The following XKR6 variants were observed in gnomAD, a reference collection of about 807,000 sequenced individuals.
The protein encoded by XKR6 is XK related 6.
Under a neutral mutation model 56.7 loss-of-function variants are expected in XKR6, and 22 were observed. That is an observed-to-expected ratio of 0.39 (90% CI 0.28 to 0.55). XKR6 has a LOEUF of 0.55. Among genes scored for constraint, XKR6 ranks in the 20% least tolerant of loss-of-function variants. XKR6 has a pLI of 0.66. For synonymous variants in XKR6, 524 were observed against 387.8 expected (o/e 1.35, Z -4.13); for missense variants, 852 against 889.0 (o/e 0.96, Z 0.53).
chr8:11,193,654 AT>A (rs200376398), intron 1 of XKR6, among the ~76,000 whole-genome samples: 7 of 150,310 alleles, frequency 4.7e-5, no homozygotes, highest in East Asian at 1.9e-4. Flanking sequence ...CACTAAAAAA[AT>A]TTTTTTTTTA....
chr8:11,033,804 T>C (rs566948216), intron 1 of XKR6, among the ~76,000 whole-genome samples: 1 of 152,154 alleles, frequency 6.6e-6, no homozygotes, highest in Non-Finnish European at 1.5e-5. Flanking sequence ...AGATTATGAC[T>C]CCTAGGGGTC....
At chr8:10,933,580 T>C (rs1359621525) in intron 1 of XKR6, among the ~76,000 whole-genome samples, 1 of 104,970 alleles carries the variant, frequency 9.5e-6, no homozygotes, top group Non-Finnish European at 2.0e-5. Context: ...TTGTATAAGG[T>C]GTAAGGAAGG....
At chr8:10,971,291 G>T (rs1802402497) in intron 1 of XKR6, among the ~76,000 whole-genome samples, 1 of 151,652 alleles carries the variant, frequency 6.6e-6, no homozygotes, top group African/African-American at 2.4e-5. Flanking sequence ...TGTGGTGGCG[G>T]GCACCTGTAG....
intron 1 of XKR6, among the ~76,000 whole-genome samples, chr8:11,035,906 G>A (rs139233112): frequency 1.2e-3 from 179 of 148,512 alleles, no homozygotes; most frequent in African/African-American, 4.3e-3. Context: ...CCAGATGCAT[G>A]TGAGAAATCT....
In XKR6 at chr8:10,998,171, G is replaced by C. The variant is rs998526919; in HGVS notation, c.765-73341C>G. 5.9e-5 allele frequency among the ~76,000 whole-genome samples: 9 copies of C among 151,970 alleles called. 1 individual carries two copies. The highest frequency in any genetic ancestry group is 2.4e-5 in the African/African-American group (1 of 41,376). ...GAGAGCGTCCAGCACTCACTTCTAA[G>C]ATCACCCCTTCTCCCACTGAGACAG... On this transcript the variant is annotated intron_variant, in intron 1 of 2. Transcript: ENST00000416569.
chr8:11,062,837 G>A (rs760717509), intron 1 of XKR6: 16 of 456,116 alleles, frequency 3.5e-5, no homozygotes, highest in South Asian at 2.0e-4. Context: ...GTGGCCGTGC[G>A]CCTGAGTTCT....
chr8:10,955,042 T>A (rs1801841948), intron 1 of XKR6, among the ~76,000 whole-genome samples: 1 of 152,052 alleles, frequency 6.6e-6, no homozygotes, highest in Non-Finnish European at 1.5e-5. Context: ...CTAATTTTTG[T>A]ATTTTTAGTA....
At chr8:10,965,792 T>C (rs943187110) in intron 1 of XKR6, among the ~76,000 whole-genome samples, 1 of 152,238 alleles carries the variant, frequency 6.6e-6, no homozygotes, top group East Asian at 1.9e-4. Flanking sequence ...TGAACAGATG[T>C]TCTTGCTTCC....
chr8:11,161,020 C>T (rs1331565080), intron 1 of XKR6, among the ~76,000 whole-genome samples: 1 of 151,962 alleles, frequency 6.6e-6, no homozygotes, highest in Non-Finnish European at 1.5e-5. Context: ...AATATGGGCC[C>T]TTCTAACCTT....
intron 1 of XKR6, chr8:11,123,659 A>C (rs920462166): frequency 5.9e-6 from 2 of 340,138 alleles, no homozygotes; most frequent in Admixed American, 7.7e-5. Context: ...AAATACTCAA[A>C]TATATCTTTA....
At chr8:11,013,503 G>A (rs1465818890) in intron 1 of XKR6, among the ~76,000 whole-genome samples, 2 of 152,160 alleles carry the variant, frequency 1.3e-5, no homozygotes, top group Admixed American at 1.3e-4. Context: ...GGCAGAGGTG[G>A]GTTCCAGATG....
chr8:11,169,081 C>G (rs1158424189), intron 1 of XKR6, among the ~76,000 whole-genome samples: 1 of 152,184 alleles, frequency 6.6e-6, no homozygotes, highest in Non-Finnish European at 1.5e-5. Flanking sequence ...TGAGTGGTCC[C>G]AGGCCAAGCT....
chr8:10,910,475 T>C lies in XKR6; in HGVS notation c.962-11559A>G, dbSNP rs560284080. ...GGATGACTGGTTCCTAAAGAACCTA[T>C]AGTTCCTAAAGAAAGAGCCACCACC... On this transcript the variant is annotated intron_variant, in intron 2 of 2. Coordinates refer to ENST00000416569, the MANE Select transcript of XKR6 (RefSeq NM_173683.4). Among the ~76,000 whole-genome samples, 14 of 152,304 alleles carry C rather than the reference T, an allele frequency of 9.2e-5. No individual in the cohort carries two copies. The South Asian group carries it at 2.7e-3, about 29-fold the overall frequency.
At chr8:11,071,058 T>C (rs1563117187) in intron 1 of XKR6, among the ~76,000 whole-genome samples, 1 of 152,172 alleles carries the variant, frequency 6.6e-6, no homozygotes, top group Non-Finnish European at 1.5e-5. Flanking sequence ...GGCCAGTTCA[T>C]CTCATTCACT....
At chr8:11,104,000 A>G (rs554843490) in intron 1 of XKR6, among the ~76,000 whole-genome samples, 1 of 152,314 alleles carries the variant, frequency 6.6e-6, no homozygotes, top group Admixed American at 6.5e-5. Context: ...TGAAGTCCAA[A>G]ATATCCCTCG....
At chr8:11,160,911 C>CAAAAAAAAAAAAAAAAAAAAA (rs33931830) in intron 1 of XKR6, among the ~76,000 whole-genome samples, 37 of 63,738 alleles carry the variant, frequency 5.8e-4, no homozygotes, top group African/African-American at 7.8e-4. Context: ...GACTCCGTCT[C>CAAAAAAAAAAAAAAAAAAAAA]AAAAAAAAAA....
Position 10,897,291 on chromosome 8 carries a change from T to A in XKR6, c.*661A>T, listed in dbSNP as rs1183991536. On this transcript the variant is annotated 3_prime_UTR_variant, in exon 3 of 3. Coordinates refer to ENST00000416569, the MANE Select transcript of XKR6 (RefSeq NM_173683.4). ...GGTTTATGCTTTTGCTTTTGGTAAA[T>A]TTGTTTTCTTCAATACAAATAATCA... 1 of 152,596 alleles carries A rather than the reference T, an allele frequency of 6.6e-6. No individual in the cohort carries two copies. Among genetic ancestry groups the A allele is most frequent in the African/African-American group, 2.4e-5 (1 of 41,458 alleles). 9.5% of individuals were successfully genotyped at this position (152,596 alleles called of 1,614,324 possible).
chr8:11,067,312 C>T (rs1415934771), intron 1 of XKR6, among the ~76,000 whole-genome samples: 2 of 152,138 alleles, frequency 1.3e-5, no homozygotes, highest in African/African-American at 4.8e-5. Flanking sequence ...CTGTGGATTC[C>T]CTTGCCTCCC....
chr8:11,116,119 T>C (rs375557143), intron 1 of XKR6, among the ~76,000 whole-genome samples: 1 of 152,218 alleles, frequency 6.6e-6, no homozygotes, highest in East Asian at 1.9e-4. Context: ...TAGATTTTGC[T>C]GCATTCAAAT....
Sources: gnomAD v4.1 joint callset for allele counts (sites outside exome capture counted in the v4.1 genomes callset) on GRCh38, gnomAD v4.1.1 for gene constraint, MANE v1.5 for transcripts, NCBI Gene and HGNC (gene_info 2026-07-23, HGNC 2026-07-21) for gene names.